PFKP: variants seen among roughly 807,000 people sequenced by gnomAD.
PFKP encodes the protein ATP-dependent 6-phosphofructokinase, platelet type.
Under a neutral mutation model 94.3 loss-of-function variants are expected in PFKP, and 101 were observed. That is an observed-to-expected ratio of 1.07 (90% CI 0.91 to 1.26). The LOEUF (loss-of-function observed/expected upper bound fraction) is 1.26, where lower values mean the gene tolerates loss of function less well. Ranked by LOEUF, PFKP falls within the 50% of genes most tolerant of loss-of-function variation. PFKP has a pLI of 0.00. For missense variants in PFKP, 1,145 were observed against 1,103.3 expected (o/e 1.04, Z -0.53); for synonymous variants, 573 against 432.6 (o/e 1.32, Z -4.03).
intron 11 of PFKP, among the ~76,000 whole-genome samples, chr10:3,112,862 G>C (rs35308134): frequency 0.7 from 106,686 of 151,900 alleles, 38,115 homozygotes; most frequent in East Asian, 0.93. Flanking sequence ...GCCACCGCAC[G>C]CATGTCTTGC....
chr10:3,116,887 A>T, intron 14 of PFKP, 41 bp downstream of exon 14: 1 of 1,425,210 alleles, frequency 7.0e-7, no homozygotes, highest in South Asian at 1.1e-5. Context: ...CTTTTAAGGA[A>T]GAAGGAAGAG....
chr10:3,119,842 C>G, intron 15 of PFKP, 50 bp from the exon 16 acceptor site: 1 of 1,596,074 alleles, frequency 6.3e-7, no homozygotes, highest in African/African-American at 1.3e-5. Context: ...GCGAGACCCT[C>G]TCCTCCCCAG....
intron 10 of PFKP, among the ~76,000 whole-genome samples, chr10:3,111,025 AGT>A (rs200436298): frequency 0.016 from 2,429 of 147,308 alleles, 62 homozygotes; most frequent in African/African-American, 0.058. Context: ...TCTGCATGTT[AGT>A]GTGTGCATGT....
At chr10:3,079,793 C>T (rs1278793093) in intron 1 of PFKP, among the ~76,000 whole-genome samples, 1 of 151,854 alleles carries the variant, frequency 6.6e-6, no homozygotes, top group Non-Finnish European at 1.5e-5. Flanking sequence ...GTGACCATAG[C>T]GTAAGGTCCT....
chr10:3,098,915 C>A (rs1210896347), intron 2 of PFKP, among the ~76,000 whole-genome samples: 1 of 152,194 alleles, frequency 6.6e-6, no homozygotes, highest in Non-Finnish European at 1.5e-5. Flanking sequence ...GTGCTGTGTG[C>A]CTGTGAGTTT....
At chr10:3,069,019 G>GCGGGTGCCGCAGGTTGAGGCGCTA (rs1831967037) in intron 1 of PFKP, among the ~76,000 whole-genome samples, 1 of 150,298 alleles carries the variant, frequency 6.7e-6, no homozygotes, top group African/African-American at 2.4e-5. Flanking sequence ...TTGAGGCGCT[G>GCGGGTGCCGCAGGTTGAGGCGCTA]TGGGCGCCGC....
In PFKP at chr10:3,135,734, A is replaced by G; in HGVS notation, c.2123-2A>G. On this transcript the variant is annotated splice_acceptor_variant, in intron 20 of 21. Transcript: ENST00000381125. LOFTEE classifies it high-confidence loss of function. ...ATTAATCTTTTTTAAAATCTTTTAT[A>G]GGAAAAAAATTTACCACCGATGATT... The G allele has an allele frequency of 6.3e-7, 1 of 1,591,622 alleles. No individual in the cohort carries two copies. The highest frequency in any genetic ancestry group is 8.6e-7 in the Non-Finnish European group (1 of 1,161,354).
chr10:3,112,530 T>C (rs1836352683), intron 11 of PFKP, among the ~76,000 whole-genome samples: 1 of 152,198 alleles, frequency 6.6e-6, no homozygotes, highest in Admixed American at 6.5e-5. Flanking sequence ...CTAATGAGAT[T>C]AAGGCACAAG....
intron 1 of PFKP, chr10:3,069,486 C>A: frequency 8.9e-7 from 1 of 1,123,354 alleles, no homozygotes; most frequent in Non-Finnish European, 1.3e-6. Flanking sequence ...GTGACCTTAC[C>A]TGGGCCGCGA....
chr10:3,098,947 G>A (rs191686196), intron 2 of PFKP, among the ~76,000 whole-genome samples: 3 of 152,184 alleles, frequency 2.0e-5, no homozygotes, highest in East Asian at 3.9e-4. Context: ...TGATAAACAC[G>A]TTGGGTGAAA....
chr10:3,113,233 C>T (rs1166713339), intron 12 of PFKP, 45 bp downstream of exon 12: 9 of 1,594,488 alleles, frequency 5.6e-6, no homozygotes, highest in Non-Finnish European at 6.8e-6. Flanking sequence ...TCCTGCGGGC[C>T]TCCCCTCATG....
intron 16 of PFKP, among the ~76,000 whole-genome samples, chr10:3,128,198 G>A (rs1050614488): frequency 2.0e-5 from 3 of 152,224 alleles, no homozygotes; most frequent in African/African-American, 7.2e-5. Flanking sequence ...GCTGCTGATG[G>A]TGCACTGGTG....
At chr10:3,072,096 T>C (rs113204860) in intron 1 of PFKP, among the ~76,000 whole-genome samples, 10 of 152,222 alleles carry the variant, frequency 6.6e-5, no homozygotes, top group African/African-American at 2.4e-4. Context: ...CTGCCTGGAA[T>C]CTCCACTGAG....
intron 1 of PFKP, chr10:3,069,222 C>G: frequency 7.3e-7 from 1 of 1,377,094 alleles, no homozygotes. Flanking sequence ...GGGAAGTGCT[C>G]TGGCGTTAGC....
In PFKP at chr10:3,136,683, C is replaced by CGTG. The variant is rs1839411406; in HGVS notation, c.*104_*105insGTG. On this transcript the variant is annotated 3_prime_UTR_variant, in exon 22 of 22. Transcript: ENST00000381125. The stretch of plus-strand genomic sequence containing the variant: ...TATGCACGTATTATTGACATTAATA[C>CGTG]CTAATCGGCGAGTGCCCATCTGCCC... The CGTG allele has an allele frequency of 4.6e-6, 6 of 1,294,494 alleles. No homozygotes were observed. Among genetic ancestry groups the CGTG allele is most frequent in the South Asian group, 2.8e-5 (2 of 71,918 alleles). 80.2% of individuals were successfully genotyped at this position (1,294,494 alleles called of 1,614,324 possible). A position where few individuals can be genotyped will look rare whatever the true frequency, so the allele number is the denominator to read the frequency against.
chr10:3,079,663 G>GGC (rs1491225491), intron 1 of PFKP, among the ~76,000 whole-genome samples: 2 of 8,726 alleles, frequency 2.3e-4, no homozygotes, highest in East Asian at 4.2e-3. Context: ...AGAGCGGGGT[G>GGC]GGGGGGGGGG....
chr10:3,118,813 G>A lies in PFKP; in HGVS notation c.1474G>A (p.Ala492Thr), dbSNP rs952069221. ...VLPGKYLEEIATQMRTHSINA... is the reference protein window; with the variant it reads ...VLPGKYLEEITTQMRTHSINA... ...CCCGGGGAAGTACTTGGAAGAGATC[G>A]CCACACAGATGCGCACGCACAGCAT... Residue 492 changes from alanine to threonine, a missense_variant, in exon 15 of 22, where the codon GCC becomes ACC. By Grantham distance (58) the Ala-to-Thr change is moderately conservative. Transcript: ENST00000381125. The A allele has an allele frequency of 2.5e-6, 4 of 1,613,674 alleles. No homozygotes were observed. The highest frequency in any genetic ancestry group is 2.5e-6 in the Non-Finnish European group (3 of 1,179,760).
chr10:3,134,640 G>A (rs1839015643), intron 20 of PFKP, 58 bp downstream of exon 20: 2 of 1,097,400 alleles, frequency 1.8e-6, no homozygotes, highest in South Asian at 2.5e-5. Flanking sequence ...CTGCCTTGGT[G>A]AAAATGCTGT....
At chr10:3,134,666 T>G in intron 20 of PFKP, 84 bp downstream of exon 20, 1 of 854,658 alleles carries the variant, frequency 1.2e-6, no homozygotes, top group East Asian at 2.4e-5. Flanking sequence ...CGGGGAGAAG[T>G]AGGGTGCTGG....
Sources: gnomAD v4.1 joint callset for allele counts (sites outside exome capture counted in the v4.1 genomes callset) on GRCh38, gnomAD v4.1.1 for gene constraint, MANE v1.5 for transcripts, NCBI Gene and HGNC (gene_info 2026-07-23, HGNC 2026-07-21) for gene names.